Variants in CNTN4 observed in about 807,000 individuals in gnomAD.
CNTN4 encodes the protein contactin-4.
Under a neutral mutation model 122.5 loss-of-function variants are expected in CNTN4, and 77 were observed. The ratio of observed to expected loss-of-function variants is 0.63; its 90% CI spans 0.52 to 0.76. CNTN4 has a LOEUF of 0.76. Among genes scored for constraint, CNTN4 ranks in the 30% least tolerant of loss-of-function variants. The pLI is 0.00. For missense variants in CNTN4, 1,256 were observed against 1,259.1 expected (o/e 1.00, Z 0.04); for synonymous variants, 512 against 447.0 (o/e 1.15, Z -1.83).
At chr3:2,392,017 C>A (rs151131462) in intron 3 of CNTN4, among the ~76,000 whole-genome samples, 1 of 152,132 alleles carries the variant, frequency 6.6e-6, no homozygotes, top group African/African-American at 2.4e-5. Context: ...GTAGCTGCTT[C>A]TTATGCATCT....
intron 3 of CNTN4, among the ~76,000 whole-genome samples, chr3:2,549,895 C>G (rs926134404): frequency 5.3e-5 from 8 of 152,112 alleles, no homozygotes; most frequent in African/African-American, 1.9e-4. Context: ...TTGGTCTACT[C>G]AGGGATTCAA....
At chr3:2,683,109 G>A (rs2085249120) in intron 4 of CNTN4, among the ~76,000 whole-genome samples, 1 of 152,054 alleles carries the variant, frequency 6.6e-6, no homozygotes, top group African/African-American at 2.4e-5. Context: ...TTTATAGCAT[G>A]CCCATCTCCC....
intron 2 of CNTN4, among the ~76,000 whole-genome samples, chr3:2,139,448 T>C (rs1364106396): frequency 6.6e-6 from 1 of 152,240 alleles, no homozygotes; most frequent in Non-Finnish European, 1.5e-5. Flanking sequence ...CACTGCTACC[T>C]GATTCCCATC....
intron 3 of CNTN4, among the ~76,000 whole-genome samples, chr3:2,564,691 T>G (rs537088182): frequency 6.6e-6 from 1 of 152,076 alleles, no homozygotes; most frequent in Non-Finnish European, 1.5e-5. Context: ...TTTTGAAATA[T>G]CACTGTGATT....
intron 2 of CNTN4, among the ~76,000 whole-genome samples, chr3:2,243,666 T>A (rs1222103479): frequency 1.3e-5 from 2 of 152,104 alleles, no homozygotes; most frequent in Admixed American, 1.3e-4. Context: ...ATGGAGTGGA[T>A]GAATAGTGTA....
intron 6 of CNTN4, among the ~76,000 whole-genome samples, chr3:2,786,667 A>G (rs2091845358): frequency 6.6e-6 from 1 of 152,248 alleles, no homozygotes; most frequent in South Asian, 2.1e-4. Context: ...TATCATTTTA[A>G]AAGTCATTAT....
chr3:2,598,361 T>G (rs1221357672), intron 4 of CNTN4, among the ~76,000 whole-genome samples: 1 of 152,128 alleles, frequency 6.6e-6, no homozygotes, highest in Non-Finnish European at 1.5e-5. Context: ...GAGAAGTTTC[T>G]GGTGTATTTT....
chr3:2,763,658 G>C (rs6790667), intron 6 of CNTN4, among the ~76,000 whole-genome samples: 1 of 152,088 alleles, frequency 6.6e-6, no homozygotes, highest in African/African-American at 2.4e-5. Context: ...TAATTTTTGT[G>C]TATGGTATAA....
chr3:2,605,432 AT>A (rs1329579508), intron 4 of CNTN4, among the ~76,000 whole-genome samples: 1 of 151,766 alleles, frequency 6.6e-6, no homozygotes, highest in Non-Finnish European at 1.5e-5. Context: ...AAGACTTTGG[AT>A]TTTTTTTCTG....
At chr3:2,107,685 C>T (rs927262927) in intron 2 of CNTN4, among the ~76,000 whole-genome samples, 2 of 152,068 alleles carry the variant, frequency 1.3e-5, no homozygotes, top group African/African-American at 4.8e-5. Context: ...TTGACGTAAG[C>T]TGATTTGGGT....
At chr3:2,183,629 CTGTT>C (rs1276169105) in intron 2 of CNTN4, among the ~76,000 whole-genome samples, 2 of 152,128 alleles carry the variant, frequency 1.3e-5, no homozygotes, top group African/African-American at 4.8e-5. Context: ...TAGTCTTTAT[CTGTT>C]TGTTTGCTTG....
intron 3 of CNTN4, among the ~76,000 whole-genome samples, chr3:2,456,491 A>G (rs2151397622): frequency 6.6e-6 from 1 of 152,178 alleles, no homozygotes; most frequent in Non-Finnish European, 1.5e-5. Flanking sequence ...ATAAAACCCC[A>G]TTCCCGTTAA....
intron 3 of CNTN4, among the ~76,000 whole-genome samples, chr3:2,466,685 C>G (rs1040897333): frequency 2.0e-5 from 3 of 152,176 alleles, no homozygotes; most frequent in Non-Finnish European, 2.9e-5. Context: ...TGCATTTTGA[C>G]TATTGTTTTC....
At chr3:2,645,659 G>C (rs1045035864) in intron 4 of CNTN4, among the ~76,000 whole-genome samples, 15 of 152,130 alleles carry the variant, frequency 9.9e-5, no homozygotes, top group Non-Finnish European at 1.9e-4. Context: ...TTGGTCCCCA[G>C]CATTCTTTAC....
intron 6 of CNTN4, among the ~76,000 whole-genome samples, chr3:2,786,451 C>T (rs903311804): frequency 2.6e-5 from 4 of 152,304 alleles, no homozygotes; most frequent in Admixed American, 1.3e-4. Context: ...TGCTTACCTG[C>T]GTGCTCCCTC....
intron 3 of CNTN4, among the ~76,000 whole-genome samples, chr3:2,440,711 CGT>C (rs1215035695): frequency 1.3e-5 from 2 of 150,602 alleles, no homozygotes; most frequent in Non-Finnish European, 3.0e-5. Context: ...TATATACACA[CGT>C]ATGTATATAC....
intron 2 of CNTN4, among the ~76,000 whole-genome samples, chr3:2,122,494 G>T (rs980591385): frequency 3.3e-5 from 5 of 152,062 alleles, no homozygotes; most frequent in Non-Finnish European, 7.4e-5. Context: ...TTATTCCTTT[G>T]TACAAAGGCC....
chr3:2,983,058 C>T (rs557786588), intron 13 of CNTN4, among the ~76,000 whole-genome samples: 3 of 150,802 alleles, frequency 2.0e-5, no homozygotes, highest in African/African-American at 7.3e-5. Context: ...ACTAAAAATA[C>T]AAAAAATTAG....
chr3:2,493,699 A>T (rs946905505), intron 3 of CNTN4, among the ~76,000 whole-genome samples: 1 of 152,104 alleles, frequency 6.6e-6, no homozygotes, highest in African/African-American at 2.4e-5. Context: ...ATGTGCCCAG[A>T]TAAAATACTG....
Sources: allele counts gnomAD v4.1 joint callset (sites outside exome capture counted in the v4.1 genomes callset), GRCh38; gene constraint gnomAD v4.1.1; transcripts MANE v1.5; gene names NCBI Gene and HGNC (gene_info 2026-07-23, HGNC 2026-07-21).